Variants in C8orf34 observed in about 807,000 individuals in gnomAD.
C8orf34 encodes uncharacterized protein C8orf34.
C8orf34 carries 65 observed loss-of-function variants against 68.3 expected under a neutral mutation model. That is an observed-to-expected ratio of 0.95 (90% CI 0.78 to 1.17). C8orf34 has a LOEUF of 1.17. Ranked by LOEUF, C8orf34 falls within the 50% of genes most tolerant of loss-of-function variation. The pLI is 0.00. For missense variants in C8orf34, 664 were observed against 655.4 expected (o/e 1.01, Z -0.14); for synonymous variants, 244 against 241.2 (o/e 1.01, Z -0.11).
intron 1 of C8orf34, among the ~76,000 whole-genome samples, chr8:68,393,256 G>T (rs1435602898): frequency 6.6e-6 from 1 of 152,012 alleles, no homozygotes; most frequent in Non-Finnish European, 1.5e-5. Flanking sequence ...AAAAATGTTG[G>T]CTATGTTCAT....
chr8:68,610,399 A>G (rs1170307693), intron 7 of C8orf34, among the ~76,000 whole-genome samples: 1 of 152,184 alleles, frequency 6.6e-6, no homozygotes. Context: ...GATTCTCTCA[A>G]ATGAGGTACT....
intron 8 of C8orf34, among the ~76,000 whole-genome samples, chr8:68,685,878 GTAAA>G (rs57861421): frequency 0.7 from 96,913 of 138,894 alleles, 34,229 homozygotes; most frequent in African/African-American, 0.78. Context: ...CCCTATCTCA[GTAAA>G]TAAATAAATA....
chr8:68,680,270 C>G (rs1820328044), intron 8 of C8orf34, among the ~76,000 whole-genome samples: 1 of 152,120 alleles, frequency 6.6e-6, no homozygotes, highest in Non-Finnish European at 1.5e-5. Context: ...ATAGATATTT[C>G]TCAAAAGAAG....
chr8:68,373,429 T>C (rs1337771858), intron 1 of C8orf34, among the ~76,000 whole-genome samples: 1 of 152,222 alleles, frequency 6.6e-6, no homozygotes, highest in African/African-American at 2.4e-5. Flanking sequence ...CATTTTCCTC[T>C]CTTTCTCTTA....
At chr8:68,406,239 A>T (rs1375716632) in intron 1 of C8orf34, among the ~76,000 whole-genome samples, 1 of 152,100 alleles carries the variant, frequency 6.6e-6, no homozygotes, top group Admixed American at 6.6e-5. Context: ...ACATACACGT[A>T]GTTTTGGTCT....
chr8:68,506,031 A>G (rs1309267640), intron 5 of C8orf34, among the ~76,000 whole-genome samples: 1 of 152,108 alleles, frequency 6.6e-6, no homozygotes, highest in Non-Finnish European at 1.5e-5. Flanking sequence ...AGCCAACTCC[A>G]TCTCTATTCT....
intron 8 of C8orf34, among the ~76,000 whole-genome samples, chr8:68,653,621 C>T (rs963482290): frequency 6.6e-6 from 1 of 152,164 alleles, no homozygotes; most frequent in Non-Finnish European, 1.5e-5. Flanking sequence ...GTGCAGAATG[C>T]AAACTTCTTT....
intron 1 of C8orf34, among the ~76,000 whole-genome samples, chr8:68,420,759 G>T (rs894504204): frequency 6.6e-6 from 1 of 151,528 alleles, no homozygotes; most frequent in South Asian, 2.1e-4. Flanking sequence ...CAGAAATCAA[G>T]AACTCAAAAT....
chr8:68,815,866 C>G lies in C8orf34; in HGVS notation c.1550-20C>G, dbSNP rs2129530137. 1.2e-6 allele frequency: 2 copies of G among 1,613,594 alleles called. No homozygotes were observed. Among genetic ancestry groups the G allele is most frequent in the African/African-American group, 1.3e-5 (1 of 75,006 alleles). On this transcript the variant is annotated intron_variant, in intron 12 of 13. Transcript: ENST00000518698. Reference sequence around the variant, plus strand: ...TTTTTCCTGGCCTGGCATATTATCTCTGTTTCTTTTGTTGTGCAGGTTCCG... The same window carrying G: ...TTTTTCCTGGCCTGGCATATTATCTGTGTTTCTTTTGTTGTGCAGGTTCCG...
At chr8:68,518,893 A>C (rs1814631093) in intron 5 of C8orf34, among the ~76,000 whole-genome samples, 1 of 151,782 alleles carries the variant, frequency 6.6e-6, no homozygotes, top group South Asian at 2.1e-4. Context: ...ACTCAAAAAA[A>C]AAAAAAAAAA....
intron 7 of C8orf34, among the ~76,000 whole-genome samples, chr8:68,616,328 G>T (rs1818212361): frequency 1.3e-5 from 2 of 152,028 alleles, no homozygotes; most frequent in Admixed American, 6.6e-5. Flanking sequence ...CTTGCCTTCT[G>T]CTAGCTTTTG....
chr8:68,429,252 G>A (rs967441153), intron 1 of C8orf34, among the ~76,000 whole-genome samples: 1 of 152,060 alleles, frequency 6.6e-6, no homozygotes, highest in South Asian at 2.1e-4. Context: ...AATTTAGACA[G>A]GTGCTTTCAA....
chr8:68,624,999 T>G (rs1269788996), intron 7 of C8orf34, among the ~76,000 whole-genome samples: 2 of 152,030 alleles, frequency 1.3e-5, no homozygotes, highest in African/African-American at 2.4e-5. Flanking sequence ...AACAATAAAT[T>G]TATAATGTAA....
Position 68,378,615 on chromosome 8 carries a change from A to T in C8orf34, c.327+47276A>T, listed in dbSNP as rs544504891. Among the ~76,000 whole-genome samples, 7 of 152,278 alleles carry T rather than the reference A, an allele frequency of 4.6e-5. No homozygotes were observed. In the South Asian group the frequency reaches 1.5e-3, roughly 32 times the overall value. ...GAGCTTATTTTAGGATGAGATCCAAAGCATGAATAACAGAGCAGAAATAAC... is the reference window on the plus strand; with the variant it reads ...GAGCTTATTTTAGGATGAGATCCAATGCATGAATAACAGAGCAGAAATAAC... On this transcript the variant is annotated intron_variant, in intron 1 of 13. Transcript: ENST00000518698.
intron 8 of C8orf34, among the ~76,000 whole-genome samples, chr8:68,647,909 T>A (rs1312826292): frequency 6.6e-6 from 1 of 152,282 alleles, no homozygotes; most frequent in East Asian, 1.9e-4. Flanking sequence ...GAAATGACAT[T>A]GTTTGGCAAG....
Position 68,331,054 on chromosome 8 carries a change from G to C in C8orf34, c.42G>C (p.Ala14=), listed in dbSNP as rs1271556914. The C allele has an allele frequency of 2.0e-6, 3 of 1,478,746 alleles. No homozygotes were observed. The highest frequency in any genetic ancestry group is 3.0e-5 in the African/African-American group (2 of 67,710). 91.6% of individuals were successfully genotyped at this position (1,478,746 alleles called of 1,614,324 possible). The change falls in exon 1 of 14, where the codon GCG becomes GCC. Residue 14 remains alanine (A), a synonymous_variant. Coordinates refer to ENST00000518698, the MANE Select transcript of C8orf34 (RefSeq NM_052958.4). ...CCTCGGAGTTGTCTGAGTTGGCGGCGCTGCGCCCAGGCTTCCGGCTCTCAG... is the reference window on the plus strand; with the variant it reads ...CCTCGGAGTTGTCTGAGTTGGCGGCCCTGCGCCCAGGCTTCCGGCTCTCAG... ...PLASELSELA[A]LRPGFRLSAP...
intron 5 of C8orf34, 149 bp downstream of exon 5, chr8:68,488,200 A>C: frequency 1.8e-6 from 1 of 564,736 alleles, no homozygotes; most frequent in Non-Finnish European, 3.1e-6. Flanking sequence ...TTAAATGCAT[A>C]TTGTTTTATG....
rs143335634 is a variant in C8orf34 at position 68,443,257 on chromosome 8, C to A, written c.476-3072C>A. 2.2e-3 allele frequency among the ~76,000 whole-genome samples: 327 copies of A among 151,980 alleles called. 1 individual carries two copies. The highest frequency in any genetic ancestry group is 7.1e-3 in the African/African-American group (294 of 41,448). On this transcript the variant is annotated intron_variant, in intron 2 of 13. Transcript: ENST00000518698. ...GGAAGAGGAAAAATTTTAGAGGGAA[C>A]GTATGGCAGGAAGGAAGAGAAAAGC...
chr8:68,716,323 A>T (rs2129526285), intron 9 of C8orf34, among the ~76,000 whole-genome samples: 1 of 152,304 alleles, frequency 6.6e-6, no homozygotes, highest in Admixed American at 6.5e-5. Flanking sequence ...AAAAAATTAA[A>T]AATCAAAAAA....
Sources: allele counts gnomAD v4.1 joint callset (sites outside exome capture counted in the v4.1 genomes callset), GRCh38; gene constraint gnomAD v4.1.1; transcripts MANE v1.5; gene names NCBI Gene and HGNC (gene_info 2026-07-23, HGNC 2026-07-21).